C1orf198: variants seen among roughly 807,000 people sequenced by gnomAD.
C1orf198 encodes the protein uncharacterized protein C1orf198.
In C1orf198, 17 loss-of-function variants were observed where a neutral mutation model predicts 31.4. That is an observed-to-expected ratio of 0.54 (90% CI 0.37 to 0.81). The LOEUF (loss-of-function observed/expected upper bound fraction) is 0.81. C1orf198 is among the 40% of genes least tolerant of loss of function. The pLI, the probability that C1orf198 is intolerant of heterozygous loss-of-function variation, is 0.00. For synonymous variants in C1orf198, 175 were observed against 193.8 expected, an observed-to-expected ratio of 0.90 and a Z score of 0.81; for missense variants, 401 against 450.3, an observed-to-expected ratio of 0.89 and a Z score of 0.99.
chr1:230,852,961 C>T (rs567931497), intron 2 of C1orf198, among the ~76,000 whole-genome samples: 4 of 152,282 alleles, frequency 2.6e-5, no homozygotes, highest in South Asian at 2.1e-4. Context: ...AAAGAGTCCT[C>T]GTAGGCTTCC....
intron 2 of C1orf198, among the ~76,000 whole-genome samples, chr1:230,851,424 A>G (rs1669740204): frequency 6.6e-6 from 1 of 152,106 alleles, no homozygotes; most frequent in Admixed American, 6.5e-5. Context: ...CCCCAAAGGC[A>G]TTTTCTCCTC....
chr1:230,863,964 TTTTTA>T (rs1314010613), intron 1 of C1orf198, among the ~76,000 whole-genome samples: 2 of 152,164 alleles, frequency 1.3e-5, no homozygotes, highest in African/African-American at 4.8e-5. Context: ...CTTTTTTTTA[TTTTTA>T]TTTTATTTTT....
In C1orf198 at chr1:230,855,902, T is replaced by A. The variant is rs367965720; in HGVS notation, c.334-184A>T. ...CCGTCTTGATCAGATTGCTCCCTCA[T>A]CTTTCCCGCTGAGGCTGCCAGACAC... On this transcript the variant is annotated intron_variant, in intron 1 of 3. Coordinates refer to ENST00000366663, the MANE Select transcript of C1orf198 (RefSeq NM_032800.3). 4.1e-5 allele frequency: 55 copies of A among 1,351,874 alleles called. 1 individual carries two copies. In the East Asian group the frequency reaches 1.2e-3, roughly 29 times the overall value. 83.7% of individuals were successfully genotyped at this position (1,351,874 alleles called of 1,614,324 possible). A position where few individuals can be genotyped will look rare whatever the true frequency, so the allele number is the denominator to read the frequency against.
Position 230,857,075 on chromosome 1 carries a change from G to A in C1orf198, c.334-1357C>T, listed in dbSNP as rs564516322. ...GTACACATTCAGCCTTCCAGACCCC[G>A]AGTGTGCGTTCTCTGTGCAGACGCC... On this transcript the variant is annotated intron_variant, in intron 1 of 3. Coordinates refer to ENST00000366663, the MANE Select transcript of C1orf198 (RefSeq NM_032800.3). This position sits in a 1 kb window ranked among gnomAD's most constrained non-coding sequence, Gnocchi z 4.2. Among the ~76,000 whole-genome samples the A allele has an allele frequency of 2.2e-4, 34 of 152,324 alleles. No individual in the cohort carries two copies. The highest frequency in any genetic ancestry group is 1.7e-3 in the South Asian group (8 of 4,820).
Position 230,843,865 on chromosome 1 carries a change from G to T in C1orf198, c.416C>A (p.Ser139Tyr). 1 of 1,529,196 alleles carries T rather than the reference G, an allele frequency of 6.5e-7. No individual in the cohort carries two copies. Among genetic ancestry groups the T allele is most frequent in the Non-Finnish European group, 8.8e-7 (1 of 1,142,364 alleles). 94.7% of individuals were successfully genotyped at this position (1,529,196 alleles called of 1,614,324 possible). A position where few individuals can be genotyped will look rare whatever the true frequency, so the allele number is the denominator to read the frequency against. Residue 139 changes from serine to tyrosine, a missense_variant, in exon 3 of 4, where the codon TCC becomes TAC. Physicochemically the swap from Ser to Tyr is moderately radical, Grantham distance 144. Transcript: ENST00000366663. This position sits in a 1 kb window ranked among gnomAD's most constrained non-coding sequence, Gnocchi z 4.9. ...SQMEFSISAL[S>Y]IQEPSNGTAA... ...GGTGCCGTTGCTCGGCTCCTGGATG[G>T]ATAGGGCGGAGATACTGAACTCCAT... is the stretch of plus-strand genomic sequence containing the variant.
At chr1:230,868,104 C>T (rs1670162674) in intron 1 of C1orf198, 76 bp downstream of exon 1, 2 of 1,296,908 alleles carry the variant, frequency 1.5e-6, no homozygotes, top group South Asian at 2.1e-5. Context: ...GGCCTCACGC[C>T]GGCAGGTGCC....
chr1:230,853,355 C>A (rs1469780799), intron 2 of C1orf198, among the ~76,000 whole-genome samples: 1 of 152,086 alleles, frequency 6.6e-6, no homozygotes, highest in Non-Finnish European at 1.5e-5. Context: ...TCACTAAAGC[C>A]ACCTCCTGTT....
rs758914873 is a variant in C1orf198, at chr1:230,868,498, C to T, written c.15G>A (p.Ala5=). 2 of 1,443,510 alleles carry T rather than the reference C, an allele frequency of 1.4e-6. No individual in the cohort carries two copies. Among genetic ancestry groups the T allele is most frequent in the Middle Eastern group, 1.9e-4 (1 of 5,350 alleles). The allele number at this position is 1,443,510 out of a possible 1,614,324, so 89.4% of individuals were successfully genotyped here. The change falls in exon 1 of 4, where the codon GCG becomes GCA. Residue 5 remains alanine, a synonymous_variant. Transcript: ENST00000366663. MASM[A]AAIAASRSAV... is the part of the protein sequence containing the mutation. The stretch of plus-strand genomic sequence containing the variant: ...CCGAGCGCGAAGCCGCGATCGCCGC[C>T]GCCATGGACGCCATGCCCGGCCTGC...
intron 2 of C1orf198, among the ~76,000 whole-genome samples, chr1:230,853,348 C>T (rs1162024453): frequency 6.6e-6 from 1 of 152,110 alleles, no homozygotes; most frequent in Non-Finnish European, 1.5e-5. Context: ...CCTACCTTCA[C>T]TAAAGCCACC....
intron 1 of C1orf198, among the ~76,000 whole-genome samples, chr1:230,866,699 C>T (rs903060502): frequency 1.3e-5 from 2 of 152,156 alleles, no homozygotes; most frequent in Admixed American, 6.5e-5. Context: ...CATATTTATT[C>T]GTGACTCTTC....
Position 230,843,508 on chromosome 1 carries a change from A to T in C1orf198, c.773T>A (p.Val258Glu). The T allele has an allele frequency of 6.2e-7, 1 of 1,612,454 alleles. No individual in the cohort carries two copies. Among genetic ancestry groups the T allele is most frequent in the Non-Finnish European group, 8.5e-7 (1 of 1,179,032 alleles). Residue 258 changes from valine (V) to glutamate (E), a missense_variant, in exon 3 of 4, where the codon GTG becomes GAG. Coordinates refer to ENST00000366663, the MANE Select transcript of C1orf198 (RefSeq NM_032800.3). The surrounding 1 kb of genome is among the most constrained non-coding windows in gnomAD (Gnocchi z 4.9). ...LRQEQRPLPNVSTERERPQPV... is the reference protein window; with the variant it reads ...LRQEQRPLPNESTERERPQPV... Reference sequence around the variant, plus strand: ...CTGGGGTCTCTCACGTTCGGTGCTCACGTTGGGAAGAGGACGCTGCTCCTG... The same window carrying T: ...CTGGGGTCTCTCACGTTCGGTGCTCTCGTTGGGAAGAGGACGCTGCTCCTG...
At chr1:230,861,071 C>T (rs531190014) in intron 1 of C1orf198, among the ~76,000 whole-genome samples, 8 of 152,194 alleles carry the variant, frequency 5.3e-5, no homozygotes, top group East Asian at 1.9e-4. Context: ...GCCTGGGGGG[C>T]GGGAGGCATG....
rs1385627735 is a variant in C1orf198, at chr1:230,837,572, A to G, written c.*2280T>C. On this transcript the variant is annotated 3_prime_UTR_variant, in exon 4 of 4. Coordinates refer to ENST00000366663, the MANE Select transcript of C1orf198 (RefSeq NM_032800.3). ...TGATGAATGGGAGGAAAATCATGGC[A>G]AATGGAGAGCTAAGAAACCATCTTC... 1 of 152,232 alleles carries G rather than the reference A, an allele frequency of 6.6e-6. No individual in the cohort carries two copies. Among genetic ancestry groups the G allele is most frequent in the Non-Finnish European group, 1.5e-5 (1 of 68,038 alleles). 9.4% of individuals were successfully genotyped at this position (152,232 alleles called of 1,614,324 possible). A position where few individuals can be genotyped will look rare whatever the true frequency, so the allele number is the denominator to read the frequency against.
rs189551751 is a variant in C1orf198, at chr1:230,860,782, C to T, written c.334-5064G>A. Among the ~76,000 whole-genome samples, 5 of 152,244 alleles carry T rather than the reference C, an allele frequency of 3.3e-5. No individual in the cohort carries two copies. In the East Asian group the frequency reaches 9.6e-4, roughly 29 times the overall value. On this transcript the variant is annotated intron_variant, in intron 1 of 3. Transcript: ENST00000366663. ...GGATATAGTTTCACTTTAAATAATA[C>T]ACGAGTTCTGGAAATGGATGGTGGT...
intron 1 of C1orf198, 189 bp from the exon 2 acceptor site, chr1:230,855,907 C>T: frequency 7.4e-7 from 1 of 1,349,818 alleles, no homozygotes; most frequent in Non-Finnish European, 9.5e-7. Context: ...CCTCATCTTT[C>T]CCGCTGAGGC....
chr1:230,841,363 C>T (rs1368797588), intron 3 of C1orf198, among the ~76,000 whole-genome samples: 2 of 152,184 alleles, frequency 1.3e-5, no homozygotes, highest in African/African-American at 2.4e-5. Context: ...GCACGTGCAG[C>T]CATCTGCCGA....
intron 1 of C1orf198, chr1:230,856,224 A>T (rs1669869664): frequency 6.5e-6 from 1 of 154,798 alleles, no homozygotes; most frequent in East Asian, 1.9e-4. Flanking sequence ...CAATGCCAAT[A>T]CAGGAGCTCC....
At chr1:230,848,799 G>A (rs966939833) in intron 2 of C1orf198, among the ~76,000 whole-genome samples, 10 of 152,174 alleles carry the variant, frequency 6.6e-5, no homozygotes, top group African/African-American at 2.4e-4. Context: ...TTTGGGGTAG[G>A]GGAAGAATCT....
In C1orf198 at chr1:230,868,297, C is replaced by T; in HGVS notation, c.216G>A (p.Arg72=). ...CCGGGGCGCGCGGCCCCACCAGGCACCGGTCGATGATCTCGTCCTGCTGCG... is the reference window on the plus strand; with the variant it reads ...CCGGGGCGCGCGGCCCCACCAGGCATCGGTCGATGATCTCGTCCTGCTGCG... ...PPAQQDEIID[R]CLVGPRAPAP... Residue 72 remains arginine (R), a synonymous_variant, in exon 1 of 4, where the codon CGG becomes CGA. Coordinates refer to ENST00000366663, the MANE Select transcript of C1orf198 (RefSeq NM_032800.3). 1 of 1,597,998 alleles carries T rather than the reference C, an allele frequency of 6.3e-7. No homozygotes were observed. Among genetic ancestry groups the T allele is most frequent in the Non-Finnish European group, 8.5e-7 (1 of 1,173,256 alleles).
Sources: allele counts gnomAD v4.1 joint callset (sites outside exome capture counted in the v4.1 genomes callset), GRCh38; gene constraint gnomAD v4.1.1; non-coding constraint Gnocchi (gnomAD v3.1); transcripts MANE v1.5; gene names NCBI Gene and HGNC (gene_info 2026-07-23, HGNC 2026-07-21).